WHRN: variants seen among roughly 807,000 people sequenced by gnomAD.
The protein encoded by WHRN is CASK-interacting protein CIP98.
In WHRN, 41 loss-of-function variants were observed where a neutral mutation model predicts 68.3. That is an observed-to-expected ratio of 0.60 (90% CI 0.47 to 0.78). The LOEUF is 0.78. WHRN is among the 30% of genes least tolerant of loss of function. WHRN has a pLI of 0.00. For missense variants in WHRN, 1,243 were observed against 1,244.7 expected, an observed-to-expected ratio of 1.00 and a Z score of 0.02; for synonymous variants, 560 against 561.3, an observed-to-expected ratio of 1.00 and a Z score of 0.03.
intron 2 of WHRN, among the ~76,000 whole-genome samples, chr9:114,473,980 C>G (rs1841450514): frequency 1.3e-5 from 2 of 152,142 alleles, no homozygotes; most frequent in African/African-American, 4.8e-5. Context: ...CCCAAAGACC[C>G]CATGGCAACA....
intron 7 of WHRN, among the ~76,000 whole-genome samples, chr9:114,422,340 T>A (rs1025898125): frequency 1.3e-5 from 2 of 152,186 alleles, no homozygotes; most frequent in Non-Finnish European, 2.9e-5. Flanking sequence ...CCAAGCCAGC[T>A]CTCCTGACCT....
intron 8 of WHRN, among the ~76,000 whole-genome samples, chr9:114,407,539 C>G (rs1179089158): frequency 6.6e-6 from 1 of 152,224 alleles, no homozygotes; most frequent in East Asian, 1.9e-4. Flanking sequence ...CAACACCGGA[C>G]ACCTGCACAG....
At chr9:114,429,437 C>T (rs994982369) in intron 3 of WHRN, among the ~76,000 whole-genome samples, 1 of 152,230 alleles carries the variant, frequency 6.6e-6, no homozygotes, top group African/African-American at 2.4e-5. Flanking sequence ...GCCTCACTTT[C>T]GTTGGGAGTA....
At chr9:114,450,549 C>T (rs1398519921) in intron 3 of WHRN, among the ~76,000 whole-genome samples, 1 of 152,124 alleles carries the variant, frequency 6.6e-6, no homozygotes, top group East Asian at 1.9e-4. Flanking sequence ...ATGCGGTTAC[C>T]TTACAAGGTT....
rs1834794550 is a variant in WHRN at position 114,403,205 on chromosome 9, C to T, written c.2541+12G>A. 1.2e-6 allele frequency: 2 copies of T among 1,614,014 alleles called. No homozygotes were observed. The highest frequency in any genetic ancestry group is 1.7e-5 in the Admixed American group (1 of 60,004). ...TAGGGAGAGATGGCAAGTGGGGCCC[C>T]TGGGGACATACCTGAATAGTGACAA... On this transcript the variant is annotated intron_variant, in intron 11 of 11. Transcript: ENST00000362057.
chr9:114,453,821 G>A lies in WHRN; in HGVS notation c.963+12446C>T, dbSNP rs562848501. Reference sequence around the variant, plus strand: ...TGAATGACTTCCCAACTCATTTTGTGAAGCCAGCATTATATAATACTAAGA... The same window carrying A: ...TGAATGACTTCCCAACTCATTTTGTAAAGCCAGCATTATATAATACTAAGA... On this transcript the variant is annotated intron_variant, in intron 3 of 11. Transcript: ENST00000362057. Among the ~76,000 whole-genome samples, 9 of 152,222 alleles carry A rather than the reference G, an allele frequency of 5.9e-5. No homozygotes were observed. The East Asian group carries it at 1.7e-3, about 29-fold the overall frequency.
At chr9:114,441,918 A>T (rs1354642468) in intron 3 of WHRN, among the ~76,000 whole-genome samples, 1 of 152,250 alleles carries the variant, frequency 6.6e-6, no homozygotes, top group Non-Finnish European at 1.5e-5. Flanking sequence ...AACCTGGCAG[A>T]CATTACTTAC....
chr9:114,466,798 A>G (rs1840742298), intron 2 of WHRN, among the ~76,000 whole-genome samples: 1 of 152,100 alleles, frequency 6.6e-6, no homozygotes, highest in Admixed American at 6.5e-5. Context: ...ATTAGGCTCC[A>G]TCTGCCCTCC....
intron 7 of WHRN, among the ~76,000 whole-genome samples, chr9:114,409,453 C>T (rs996042366): frequency 2.0e-5 from 3 of 152,088 alleles, no homozygotes; most frequent in Admixed American, 2.0e-4. Flanking sequence ...AAGAAGGGAA[C>T]GATAGGTGTT....
chr9:114,456,860 T>C (rs1191970228), intron 3 of WHRN, among the ~76,000 whole-genome samples: 1 of 151,850 alleles, frequency 6.6e-6, no homozygotes, highest in Non-Finnish European at 1.5e-5. Flanking sequence ...GATTAGGAAT[T>C]CTGAAATGAC....
At chr9:114,423,014 C>G (rs747101716) in intron 7 of WHRN, among the ~76,000 whole-genome samples, 1 of 151,766 alleles carries the variant, frequency 6.6e-6, no homozygotes, top group Non-Finnish European at 1.5e-5. Context: ...TTCTATTTGC[C>G]TAATTTACCT....
rs150582986 is a variant in WHRN at position 114,471,232 on chromosome 9, T to C, written c.838-4840A>G. ...ATTAATAGAATAATAACTCAGGCAA[T>C]TGGTCACCAAATGTACTGTTTCCTA... On this transcript the variant is annotated intron_variant, in intron 2 of 11. Coordinates refer to ENST00000362057, the MANE Select transcript of WHRN (RefSeq NM_015404.4). Among the ~76,000 whole-genome samples the C allele has an allele frequency of 1.2e-3, 185 of 152,128 alleles. 1 individual carries two copies. The highest frequency in any genetic ancestry group is 2.3e-3 in the East Asian group (12 of 5,178).
intron 3 of WHRN, among the ~76,000 whole-genome samples, chr9:114,464,845 TG>T (rs1840539332): frequency 4.6e-5 from 6 of 129,386 alleles, no homozygotes; most frequent in African/African-American, 2.6e-4. Context: ...ATGATGATGA[TG>T]ATGATGATGA....
At position 114,423,330 on chromosome 9, in the gene WHRN, G is replaced by A. The variant is rs777846626; in HGVS notation, c.1610C>T (p.Thr537Ile). ...SSTGSHGTSTTVSSARNTLDL... is the reference protein window; with the variant it reads ...SSTGSHGTSTIVSSARNTLDL... ...GAAGCTCACCCTGGCCGAGCTGACG[G>A]TGGTGGAGGTGCCGTGGCTGCCTGT... Residue 537 changes from threonine (T) to isoleucine (I), a missense_variant, in exon 7 of 12, where the codon ACC becomes ATC. Coordinates refer to ENST00000362057, the MANE Select transcript of WHRN (RefSeq NM_015404.4). 1.9e-6 allele frequency: 3 copies of A among 1,613,874 alleles called. No homozygotes were observed. The highest frequency in any genetic ancestry group is 3.3e-5 in the Admixed American group (2 of 60,004).
chr9:114,403,179 G>T, intron 11 of WHRN, 38 bp downstream of exon 11: 1 of 1,613,706 alleles, frequency 6.2e-7, no homozygotes, highest in Non-Finnish European at 8.5e-7. Context: ...CCTTTCAGGG[G>T]TAGGGAGAGA....
At chr9:114,429,463 C>T (rs1356157177) in intron 3 of WHRN, among the ~76,000 whole-genome samples, 1 of 152,228 alleles carries the variant, frequency 6.6e-6, no homozygotes, top group Non-Finnish European at 1.5e-5. Flanking sequence ...GGAGTCCTAG[C>T]CCAGGATTGT....
intron 1 of WHRN, among the ~76,000 whole-genome samples, chr9:114,489,512 GCGTGCACACACACACACACA>G (rs1842806060): frequency 7.2e-5 from 1 of 13,954 alleles, no homozygotes; most frequent in African/African-American, 1.4e-4. Context: ...ACGCACACAC[GCGTGCACACACACACACACA>G]CACACTTTCC....
chr9:114,480,584 TG>T (rs1271126911), intron 1 of WHRN, among the ~76,000 whole-genome samples: 1 of 152,174 alleles, frequency 6.6e-6, no homozygotes, highest in African/African-American at 2.4e-5. Context: ...AATGGCACCC[TG>T]ATCTCAGACT....
intron 7 of WHRN, among the ~76,000 whole-genome samples, chr9:114,417,571 G>T (rs1835906789): frequency 6.6e-6 from 1 of 152,240 alleles, no homozygotes; most frequent in African/African-American, 2.4e-5. Context: ...AAAGCAATGT[G>T]ACAAGTGATT....
Sources: gnomAD v4.1 joint callset for allele counts (sites outside exome capture counted in the v4.1 genomes callset) on GRCh38, gnomAD v4.1.1 for gene constraint, MANE v1.5 for transcripts, NCBI Gene and HGNC (gene_info 2026-07-23, HGNC 2026-07-21) for gene names.